The following STK3 variants were observed in gnomAD, a reference collection of about 807,000 sequenced individuals.
The protein encoded by STK3 is serine/threonine-protein kinase 3.
Under a neutral mutation model 58.0 loss-of-function variants are expected in STK3, and 41 were observed. The ratio of observed to expected loss-of-function variants is 0.71; its 90% CI spans 0.55 to 0.92. The LOEUF (loss-of-function observed/expected upper bound fraction) is 0.92. STK3 is among the 40% of genes least tolerant of loss of function. The pLI, the probability that STK3 is intolerant of heterozygous loss-of-function variation, is 0.00. For missense variants in STK3, 479 were observed against 602.7 expected, an observed-to-expected ratio of 0.79 and a Z score of 2.15; for synonymous variants, 170 against 191.0, an observed-to-expected ratio of 0.89 and a Z score of 0.91.
chr8:98,451,088 A>G (rs1395850972), downstream of STK3, among the ~76,000 whole-genome samples: 1 of 152,158 alleles, frequency 6.6e-6, no homozygotes, highest in Non-Finnish European at 1.5e-5. Context: ...GGTGTATCAA[A>G]AATGCATGGG....
chr8:98,519,695 G>T (rs1319431656), intron 10 of STK3, among the ~76,000 whole-genome samples: 2 of 152,076 alleles, frequency 1.3e-5, no homozygotes, highest in Non-Finnish European at 2.9e-5. Context: ...CTTTATACTT[G>T]GGGAGCAAAG....
chr8:98,708,524 G>A lies in STK3; in HGVS notation c.352-1213C>T, dbSNP rs970147712. Reference sequence around the variant, plus strand: ...ATGGAAACACAAGCAAAGACTATCAGAGGAGGGAAAAAGGGGAGAGTAGAG... The same window carrying A: ...ATGGAAACACAAGCAAAGACTATCAAAGGAGGGAAAAAGGGGAGAGTAGAG... On this transcript the variant is annotated intron_variant, in intron 4 of 10. Coordinates refer to ENST00000419617, the MANE Select transcript of STK3 (RefSeq NM_006281.4). 2.0e-5 allele frequency among the ~76,000 whole-genome samples: 3 copies of A among 152,098 alleles called. No individual in the cohort carries two copies. In the East Asian group the frequency reaches 5.8e-4, roughly 29 times the overall value.
intron 10 of STK3, among the ~76,000 whole-genome samples, chr8:98,499,980 A>G (rs191553873): frequency 6.6e-6 from 1 of 152,250 alleles, no homozygotes; most frequent in Admixed American, 6.5e-5. Flanking sequence ...GCTCCTCAAG[A>G]TATTCATGCC....
chr8:98,653,946 C>A (rs1821222321), intron 6 of STK3, among the ~76,000 whole-genome samples: 1 of 152,124 alleles, frequency 6.6e-6, no homozygotes. Context: ...CTATTCCAAT[C>A]AATAGAAAAA....
intron 4 of STK3, among the ~76,000 whole-genome samples, chr8:98,720,750 CAAAAAA>C (rs35529460): frequency 1.1e-5 from 1 of 94,768 alleles, no homozygotes; most frequent in Non-Finnish European, 2.2e-5. Flanking sequence ...GACTCCGTCT[CAAAAAA>C]AAAAAAAAAA....
chr8:98,903,488 T>C (rs28686933), intron 1 of STK3, among the ~76,000 whole-genome samples: 986 of 19,158 alleles, frequency 0.051, 16 homozygotes, highest in African/African-American at 0.16. Flanking sequence ...ATTTAGGAAG[T>C]TCTTCTTCTT....
chr8:98,664,824 C>CG lies in STK3; in HGVS notation c.684+41642dup, dbSNP rs1822218241. ...CTGAGGCAGGAGAATTGCTTGAACC[C>CG]GGGAGGCGGAGGTTGCAGTGAGCCA... On this transcript the variant is annotated intron_variant, in intron 6 of 10. Coordinates refer to ENST00000419617, the MANE Select transcript of STK3 (RefSeq NM_006281.4). Among the ~76,000 whole-genome samples the CG allele has an allele frequency of 1.3e-5, 2 of 151,902 alleles. 1 individual carries two copies. Among genetic ancestry groups the CG allele is most frequent in the South Asian group, 4.2e-4 (2 of 4,808 alleles).
chr8:98,648,543 G>A (rs143404786), intron 6 of STK3, among the ~76,000 whole-genome samples: 2 of 152,204 alleles, frequency 1.3e-5, no homozygotes, highest in Admixed American at 1.3e-4. Flanking sequence ...AATGCCTTTT[G>A]CTCTAATTTG....
At chr8:98,465,605 G>T (rs1247417869) in intron 10 of STK3, among the ~76,000 whole-genome samples, 2 of 152,144 alleles carry the variant, frequency 1.3e-5, no homozygotes, top group East Asian at 3.9e-4. Context: ...CTTTGGGATA[G>T]ATTTCCTAAT....
intron 3 of STK3, among the ~76,000 whole-genome samples, chr8:98,755,478 T>C (rs1420583419): frequency 1.3e-5 from 2 of 152,246 alleles, no homozygotes; most frequent in African/African-American, 4.8e-5. Context: ...AGGAATGGAA[T>C]GCATTCATAT....
intron 9 of STK3, among the ~76,000 whole-genome samples, chr8:98,540,827 T>C (rs183366684): frequency 6.6e-6 from 1 of 152,222 alleles, no homozygotes; most frequent in Admixed American, 6.5e-5. Context: ...AAACAGAAGC[T>C]ATATGCCTGC....
chr8:98,793,093 A>G (rs879307535), intron 1 of STK3, among the ~76,000 whole-genome samples: 65 of 152,274 alleles, frequency 4.3e-4, no homozygotes, highest in Admixed American at 3.3e-4. Flanking sequence ...ACCAAACATC[A>G]TATGTTCTCA....
intron 3 of STK3, 70 bp downstream of exon 3, chr8:98,767,173 A>G: frequency 6.9e-7 from 1 of 1,438,928 alleles, no homozygotes. Flanking sequence ...TCAAAGAATA[A>G]ATTTTGTTAT....
intron 1 of STK3, among the ~76,000 whole-genome samples, chr8:98,898,211 G>A (rs1385633907): frequency 2.0e-5 from 3 of 152,224 alleles, no homozygotes; most frequent in Non-Finnish European, 4.4e-5. Flanking sequence ...CGGACCTTAT[G>A]GAGAACTGGC....
At chr8:98,617,636 C>G (rs1414030762) in intron 6 of STK3, among the ~76,000 whole-genome samples, 8 of 151,806 alleles carry the variant, frequency 5.3e-5, no homozygotes, top group Non-Finnish European at 7.4e-5. Context: ...GGGATATCAC[C>G]ACCGATCCCA....
chr8:98,661,244 C>A (rs1044611864), intron 6 of STK3, among the ~76,000 whole-genome samples: 95 of 152,052 alleles, frequency 6.2e-4, no homozygotes, highest in African/African-American at 2.2e-3. Flanking sequence ...GGAAATACAG[C>A]CTCTTTGAAA....
At chr8:98,845,949 A>C (rs1836184351) in intron 3 of STK3, among the ~76,000 whole-genome samples, 2 of 152,228 alleles carry the variant, frequency 1.3e-5, no homozygotes, top group African/African-American at 2.4e-5. Flanking sequence ...CATGGTCAAG[A>C]AAGTTGCCAG....
At chr8:98,806,494 T>C (rs867833897) in intron 1 of STK3, among the ~76,000 whole-genome samples, 2 of 152,116 alleles carry the variant, frequency 1.3e-5, no homozygotes, top group Admixed American at 6.6e-5. Flanking sequence ...AATGACCCAA[T>C]TAATCTTAGA....
At chr8:98,716,415 A>G (rs1827018904) in intron 4 of STK3, among the ~76,000 whole-genome samples, 1 of 152,122 alleles carries the variant, frequency 6.6e-6, no homozygotes, top group African/African-American at 2.4e-5. Flanking sequence ...TCTATTTACA[A>G]TAGAAATAGA....
Sources: allele counts gnomAD v4.1 joint callset (sites outside exome capture counted in the v4.1 genomes callset), GRCh38; gene constraint gnomAD v4.1.1; transcripts MANE v1.5; gene names NCBI Gene and HGNC (gene_info 2026-07-23, HGNC 2026-07-21).